Variants in ECT2 observed in about 807,000 individuals in gnomAD.
ECT2 encodes the protein epithelial cell transforming 2.
Under a neutral mutation model 116.9 loss-of-function variants are expected in ECT2, and 61 were observed. The observed-to-expected ratio is 0.52, with a 90% CI of 0.42 to 0.65. The LOEUF (loss-of-function observed/expected upper bound fraction) is 0.65. ECT2 is among the 30% of genes least tolerant of loss of function. The probability of loss-of-function intolerance (pLI) is 0.00; values close to 1 mark genes in which losing one functional copy is unlikely to be tolerated. For missense variants in ECT2, 937 were observed against 1,078.7 expected (o/e 0.87, Z 1.84); for synonymous variants, 358 against 346.4 (o/e 1.03, Z -0.37).
At chr3:172,822,434 T>G (rs546615431), downstream of ECT2, among the ~76,000 whole-genome samples, 1 of 152,044 alleles carries the variant, frequency 6.6e-6, no homozygotes, top group South Asian at 2.1e-4. Context: ...ATATGAGAAA[T>G]TAAGAACCAA....
In ECT2 at chr3:172,788,679, G is replaced by A. The variant is rs185499029; in HGVS notation, c.1907+2105G>A. Among the ~76,000 whole-genome samples, 235 of 152,264 alleles carry A rather than the reference G, an allele frequency of 1.5e-3. 1 individual carries two copies. The highest frequency in any genetic ancestry group is 5.4e-3 in the African/African-American group (224 of 41,546). On this transcript the variant is annotated intron_variant, in intron 18 of 24. Transcript: ENST00000392692. ...ATTTCTCAGGGCATATAAAAGTTACGTTTACACTATACTATAGCCTGTGAA... is the reference window on the plus strand; with the variant it reads ...ATTTCTCAGGGCATATAAAAGTTACATTTACACTATACTATAGCCTGTGAA...
intron 7 of ECT2, among the ~76,000 whole-genome samples, chr3:172,760,745 G>A (rs1718113501): frequency 1.9e-5 from 2 of 104,638 alleles, no homozygotes; most frequent in Non-Finnish European, 3.5e-5. Context: ...TTTTGAGACT[G>A]AGTCTCTCTC....
chr3:172,802,613 C>T lies in ECT2; in HGVS notation c.1908-3C>T, dbSNP rs1726926120. Reference sequence around the variant, plus strand: ...AAAAGTTTTAAAAATAACTATTTTTCAGGCATATTAATGAGGATAAGAGAA... The same window carrying T: ...AAAAGTTTTAAAAATAACTATTTTTTAGGCATATTAATGAGGATAAGAGAA... On this transcript the variant is annotated splice_region_variant and splice_polypyrimidine_tract_variant and intron_variant, in intron 18 of 24. Transcript: ENST00000392692. The T allele has an allele frequency of 4.6e-6, 7 of 1,536,420 alleles. No individual in the cohort carries two copies. Among genetic ancestry groups the T allele is most frequent in the Non-Finnish European group, 6.2e-6 (7 of 1,131,882 alleles).
intron 14 of ECT2, among the ~76,000 whole-genome samples, chr3:172,779,231 C>T (rs897460861): frequency 6.6e-6 from 1 of 152,166 alleles, no homozygotes; most frequent in African/African-American, 2.4e-5. Flanking sequence ...TAGTCAGTGC[C>T]AGAATTCACT....
intron 18 of ECT2, chr3:172,796,479 C>T (rs1460971246): frequency 1.3e-5 from 2 of 152,132 alleles, no homozygotes; most frequent in Non-Finnish European, 2.9e-5. Context: ...TTCTAAACTG[C>T]AGGCATTTTC....
At chr3:172,795,998 T>C (rs1021085042) in intron 18 of ECT2, among the ~76,000 whole-genome samples, 10 of 152,140 alleles carry the variant, frequency 6.6e-5, no homozygotes, top group African/African-American at 2.2e-4. Context: ...TTTCAAAATA[T>C]AAATTTAAGA....
intron 18 of ECT2, among the ~76,000 whole-genome samples, chr3:172,793,986 G>A (rs562217937): frequency 1.5e-4 from 23 of 151,090 alleles, no homozygotes; most frequent in Admixed American, 3.3e-4. Flanking sequence ...TTATATATTC[G>A]AGTTAAAAGG....
At chr3:172,761,166 A>T (rs1474164637) in intron 7 of ECT2, among the ~76,000 whole-genome samples, 1 of 152,202 alleles carries the variant, frequency 6.6e-6, no homozygotes, top group East Asian at 1.9e-4. Flanking sequence ...GCAAGAGTTT[A>T]TCATTTTTTC....
chr3:172,821,395 A>G lies in ECT2; in HGVS notation c.*1158A>G, dbSNP rs1443194195. 6.6e-6 allele frequency: 1 copy of G among 151,944 alleles called. No homozygotes were observed. Among genetic ancestry groups the G allele is most frequent in the African/African-American group, 2.4e-5 (1 of 41,454 alleles). The allele number at this position is 151,944 out of a possible 1,614,324, so 9.4% of individuals were successfully genotyped here. A position where few individuals can be genotyped will look rare whatever the true frequency, so the allele number is the denominator to read the frequency against. Reference sequence around the variant, plus strand: ...CCATGTATGTGCCACTTCTGAGAGTAGTAAATGACTCTTTGCTACATTTTA... The same window carrying G: ...CCATGTATGTGCCACTTCTGAGAGTGGTAAATGACTCTTTGCTACATTTTA... On this transcript the variant is annotated 3_prime_UTR_variant, in exon 25 of 25. Coordinates refer to ENST00000392692, the MANE Select transcript of ECT2 (RefSeq NM_001258315.2).
At chr3:172,829,185 C>T in the ECT2 span, 1 of 428,892 alleles carries the variant, frequency 2.3e-6, no homozygotes, top group South Asian at 2.8e-5. Flanking sequence ...TTTCAGTCTC[C>T]CAGCTTTAGC....
chr3:172,757,261 C>G (rs1248869131), intron 5 of ECT2, 96 bp downstream of exon 5: 1 of 894,614 alleles, frequency 1.1e-6, no homozygotes, highest in Admixed American at 3.4e-5. Context: ...TCATTGATTG[C>G]TGAGAGCAAA....
chr3:172,755,203 A>G lies in ECT2; in HGVS notation c.131-92A>G, dbSNP rs74320796. ...AAGTTATGATTCCCTCAAAGATGTA[A>G]TACATACTAGATATAGCCAAAAGAG... On this transcript the variant is annotated intron_variant, in intron 2 of 24. Transcript: ENST00000392692. 546 of 875,728 alleles carry G rather than the reference A, an allele frequency of 6.2e-4. 2 individuals carry two copies. The African/African-American group carries it at 8.8e-3, about 14-fold the overall frequency. The allele number at this position is 875,728 out of a possible 1,614,324, so 54.2% of individuals were successfully genotyped here. A position where few individuals can be genotyped will look rare whatever the true frequency, so the allele number is the denominator to read the frequency against.
At chr3:172,752,933 C>T (rs1049123018) in intron 1 of ECT2, among the ~76,000 whole-genome samples, 2 of 152,108 alleles carry the variant, frequency 1.3e-5, no homozygotes, top group Admixed American at 1.3e-4. Context: ...TTTGCTAAGA[C>T]TCTGGAGGAA....
At chr3:172,808,263 ATGGGGTTTCAC>A (rs1728130066) in intron 22 of ECT2, among the ~76,000 whole-genome samples, 1 of 151,818 alleles carries the variant, frequency 6.6e-6, no homozygotes, top group African/African-American at 2.4e-5. Flanking sequence ...GTATTTAGAG[ATGGGGTTTCAC>A]TGTGTTGCCC....
chr3:172,822,037 A>T (rs1160718404), downstream of ECT2, among the ~76,000 whole-genome samples: 1 of 133,666 alleles, frequency 7.5e-6, no homozygotes, highest in East Asian at 1.9e-4. Flanking sequence ...AATATAATTA[A>T]CTTCTCTATT....
intron 18 of ECT2, among the ~76,000 whole-genome samples, chr3:172,790,051 C>G (rs1724376189): frequency 6.6e-6 from 1 of 151,576 alleles, no homozygotes; most frequent in Non-Finnish European, 1.5e-5. Flanking sequence ...TGAGCTCTGG[C>G]TTTTGGTTTT....
intron 13 of ECT2, among the ~76,000 whole-genome samples, chr3:172,773,483 T>A (rs1020473296): frequency 4.6e-5 from 7 of 152,176 alleles, no homozygotes; most frequent in Non-Finnish European, 1.0e-4. Context: ...TCAAATCCAG[T>A]CTTTCCCCCA....
intron 12 of ECT2, among the ~76,000 whole-genome samples, chr3:172,768,036 AT>A (rs2108426976): frequency 6.6e-6 from 1 of 152,034 alleles, no homozygotes; most frequent in African/African-American, 2.4e-5. Context: ...CTGGCCGCAA[AT>A]TTTTTTCTTT....
At chr3:172,753,804 A>G (rs1716412084) in intron 1 of ECT2, among the ~76,000 whole-genome samples, 1 of 152,196 alleles carries the variant, frequency 6.6e-6, no homozygotes, top group South Asian at 2.1e-4. Context: ...GTGAGGGTGA[A>G]TAGTTAGGCG....
Sources: allele counts gnomAD v4.1 joint callset (sites outside exome capture counted in the v4.1 genomes callset), GRCh38; gene constraint gnomAD v4.1.1; transcripts MANE v1.5; gene names NCBI Gene and HGNC (gene_info 2026-07-23, HGNC 2026-07-21).